Variants in TMEM132E observed in about 807,000 individuals in gnomAD.
The protein encoded by TMEM132E is transmembrane protein 132E.
TMEM132E carries 49 observed loss-of-function variants against 78.5 expected under a neutral mutation model. That is an observed-to-expected ratio of 0.62 (90% CI 0.50 to 0.79). TMEM132E has a LOEUF of 0.79. Among genes scored for constraint, TMEM132E ranks in the 30% least tolerant of loss-of-function variants. The probability of loss-of-function intolerance (pLI) is 0.00; values close to 1 mark genes in which losing one functional copy is unlikely to be tolerated. For missense variants in TMEM132E, 1,403 were observed against 1,470.9 expected, an observed-to-expected ratio of 0.95 and a Z score of 0.75; for synonymous variants, 715 against 670.6, an observed-to-expected ratio of 1.07 and a Z score of -1.02.
chr17:34,627,469 T>TGTGC (rs1555564423), intron 2 of TMEM132E, among the ~76,000 whole-genome samples: 7 of 112,092 alleles, frequency 6.2e-5, no homozygotes, highest in African/African-American at 1.8e-4. Flanking sequence ...AAAAGAATCG[T>TGTGC]GTGTGTGTGT....
Position 34,629,005 on chromosome 17 carries a change from C to G in TMEM132E, c.1146-7C>G. The G allele has an allele frequency of 6.5e-7, 1 of 1,550,344 alleles. No individual in the cohort carries two copies. Among genetic ancestry groups the G allele is most frequent in the East Asian group, 2.3e-5 (1 of 43,850 alleles). Reference sequence around the variant, plus strand: ...CTCTGCTCTCCTTCCCTCCCCTACCCTGGCAGGGAGGGCCAGGGCCCCTTG... The same window carrying G: ...CTCTGCTCTCCTTCCCTCCCCTACCGTGGCAGGGAGGGCCAGGGCCCCTTG... On this transcript the variant is annotated splice_polypyrimidine_tract_variant and splice_region_variant and intron_variant, in intron 3 of 8. Transcript: ENST00000631683.
chr17:34,629,081 C>G lies in TMEM132E; in HGVS notation c.1215C>G (p.Val405=). 1 of 1,608,440 alleles carries G rather than the reference C, an allele frequency of 6.2e-7. No homozygotes were observed. The change falls in exon 4 of 9, where the codon GTC becomes GTG. Residue 405 remains valine (V), a synonymous_variant. Coordinates refer to ENST00000631683, the MANE Select transcript of TMEM132E (RefSeq NM_001304438.2). ...TGGAGAACTTCACCAGCCAGTCAGT[C>G]AAGCGGAGGATCATGTGGCACATTG... The part of the protein sequence containing the change: ...FEMENFTSQS[V]KRRIMWHIDY...
In TMEM132E at chr17:34,626,804, C is replaced by A. The variant is rs903381315; in HGVS notation, c.745C>A (p.Arg249Ser). 8 of 1,523,230 alleles carry A rather than the reference C, an allele frequency of 5.3e-6. No individual in the cohort carries two copies. The Admixed American group carries it at 1.2e-4, about 23-fold the overall frequency. 94.4% of individuals were successfully genotyped at this position (1,523,230 alleles called of 1,614,324 possible). A position where few individuals can be genotyped will look rare whatever the true frequency, so the allele number is the denominator to read the frequency against. The change falls in exon 2 of 9, where the codon CGC (arginine) becomes AGC (serine). Residue 249 changes from arginine (R) to serine (S), a missense_variant. Physicochemically the swap from Arg to Ser is moderately radical, Grantham distance 110. This residue lies in a region of TMEM132E where 511 missense variants were observed against 499.0 expected (regional missense o/e 1.02). Coordinates refer to ENST00000631683, the MANE Select transcript of TMEM132E (RefSeq NM_001304438.2). ...TGCGTCGGGGGGCTGCGGGGGCTCC[C>A]GCCGGGGGGCCGGGCCCGGGGTGGG... ...PDASGGCGGS[R>S]RGAGPGVGAR... is the part of the protein sequence containing the mutation.
intron 1 of TMEM132E, among the ~76,000 whole-genome samples, chr17:34,587,371 G>C (rs567820793): frequency 2.6e-5 from 4 of 152,182 alleles, no homozygotes; most frequent in South Asian, 4.1e-4. Flanking sequence ...GTGGCAGTGG[G>C]GGGGAATGGT....
At chr17:34,613,029 C>T (rs1467562821) in intron 1 of TMEM132E, among the ~76,000 whole-genome samples, 1 of 152,012 alleles carries the variant, frequency 6.6e-6, no homozygotes, top group Non-Finnish European at 1.5e-5. Context: ...GCAGCTCTTA[C>T]CTTGCCCAGG....
intron 1 of TMEM132E, among the ~76,000 whole-genome samples, chr17:34,589,243 C>T (rs1446703552): frequency 6.6e-6 from 1 of 152,084 alleles, no homozygotes; most frequent in African/African-American, 2.4e-5. Flanking sequence ...GATAAGAGCC[C>T]TAGGAGGAGT....
Position 34,638,027 on chromosome 17 carries a change from C to T in TMEM132E, c.3020C>T (p.Thr1007Ile). 1 of 1,576,982 alleles carries T rather than the reference C, an allele frequency of 6.3e-7. No homozygotes were observed. Among genetic ancestry groups the T allele is most frequent in the South Asian group, 1.1e-5 (1 of 87,258 alleles). Residue 1007 changes from threonine to isoleucine, a missense_variant, in exon 9 of 9, where the codon ACC (threonine) becomes ATC (isoleucine). This residue lies in a region of TMEM132E where 888 missense variants were observed against 952.8 expected (regional missense o/e 0.93). Coordinates refer to ENST00000631683, the MANE Select transcript of TMEM132E (RefSeq NM_001304438.2). Reference sequence around the variant, plus strand: ...GCCGAGGACCCCGCCAGCTCGCCCACCTCCAAGCGCAAGCGGGTCAAGTTC... The same window carrying T: ...GCCGAGGACCCCGCCAGCTCGCCCATCTCCAAGCGCAAGCGGGTCAAGTTC... Reference protein sequence around the residue: ...DQAEDPASSPTSKRKRVKFTT... With the variant: ...DQAEDPASSPISKRKRVKFTT...
chr17:34,633,313 T>C (rs571494141), intron 6 of TMEM132E, among the ~76,000 whole-genome samples: 1 of 151,964 alleles, frequency 6.6e-6, no homozygotes, highest in Non-Finnish European at 1.5e-5. Context: ...CTGAAAGGAG[T>C]TGGCTGGGGA....
Position 34,629,015 on chromosome 17 carries a change from G to A in TMEM132E, c.1149G>A (p.Glu383=). Residue 383 remains glutamate, a synonymous_variant, in exon 4 of 9, where the codon GAG becomes GAA. Transcript: ENST00000631683. ...WAQSTPLPPR[E]GQGPLEILQL... ...CTTCCCTCCCCTACCCTGGCAGGGA[G>A]GGCCAGGGCCCCTTGGAGATCTTGC... is the stretch of plus-strand genomic sequence containing the variant. 1 of 1,554,634 alleles carries A rather than the reference G, an allele frequency of 6.4e-7. No homozygotes were observed. The highest frequency in any genetic ancestry group is 8.7e-7 in the Non-Finnish European group (1 of 1,146,776).
intron 1 of TMEM132E, among the ~76,000 whole-genome samples, chr17:34,604,427 T>C (rs2142062125): frequency 6.6e-6 from 1 of 152,298 alleles, no homozygotes; most frequent in Middle Eastern, 3.4e-3. Flanking sequence ...CCACATTTGA[T>C]AGCTTCCATC....
At chr17:34,601,020 T>C (rs1390424073) in intron 1 of TMEM132E, among the ~76,000 whole-genome samples, 4 of 152,174 alleles carry the variant, frequency 2.6e-5, no homozygotes, top group South Asian at 2.1e-4. Context: ...CAGGAGGCCA[T>C]TGGGCTGGAC....
intron 3 of TMEM132E, 57 bp downstream of exon 3, chr17:34,628,766 G>A: frequency 4.7e-6 from 7 of 1,504,022 alleles, no homozygotes; most frequent in Non-Finnish European, 6.2e-6. Flanking sequence ...TCTGAGAGGA[G>A]TGGGGAATCT....
chr17:34,626,488 G>C lies in TMEM132E; in HGVS notation c.429G>C (p.Gln143His). The C allele has an allele frequency of 1.9e-6, 3 of 1,612,280 alleles. No homozygotes were observed. The highest frequency in any genetic ancestry group is 2.5e-6 in the Non-Finnish European group (3 of 1,179,780). ...SHVPASQPVV[Q>H]VLFYVAGRDW... Reference sequence around the variant, plus strand: ...TGCCCGCCTCGCAGCCCGTGGTCCAGGTGCTGTTCTACGTAGCCGGCCGGG... The same window carrying C: ...TGCCCGCCTCGCAGCCCGTGGTCCACGTGCTGTTCTACGTAGCCGGCCGGG... The change falls in exon 2 of 9, where the codon CAG becomes CAC. Residue 143 changes from glutamine to histidine, a missense_variant. Transcript: ENST00000631683.
chr17:34,630,125 G>A lies in TMEM132E; in HGVS notation c.1456G>A (p.Glu486Lys), dbSNP rs370772171. 2.9e-5 allele frequency: 47 copies of A among 1,612,946 alleles called. No homozygotes were observed. The highest frequency in any genetic ancestry group is 2.7e-5 in the African/African-American group (2 of 74,876). ...VLDISALVECESDNEDIIKVS... is the reference protein window; with the variant it reads ...VLDISALVECKSDNEDIIKVS... The stretch of plus-strand genomic sequence containing the variant: ...GGACATCTCCGCCCTAGTGGAATGC[G>A]AGTCTGACAATGAAGACATCATCAA... Residue 486 changes from glutamate (E) to lysine (K), a missense_variant, in exon 5 of 9, where the codon GAG becomes AAG. Around this residue, in one of 3 missense-constraint regions of TMEM132E, gnomAD observed 888 missense variants for 952.8 expected, o/e 0.93. Transcript: ENST00000631683.
chr17:34,634,670 T>C, intron 6 of TMEM132E, 129 bp from the exon 7 acceptor site: 3 of 1,117,956 alleles, frequency 2.7e-6, no homozygotes, highest in East Asian at 2.6e-5. Flanking sequence ...GCATGAGCCA[T>C]AGAGGAAGCT....
Position 34,637,312 on chromosome 17 carries a change from T to C in TMEM132E, c.2305T>C (p.Phe769Leu). The C allele has an allele frequency of 6.2e-7, 1 of 1,614,104 alleles. No homozygotes were observed. Among genetic ancestry groups the C allele is most frequent in the Non-Finnish European group, 8.5e-7 (1 of 1,180,042 alleles). The part of the protein sequence containing the change: ...HVATVTQDRA[F>L]PLVVAEAEGS... Reference sequence around the variant, plus strand: ...GGCCACTGTGACCCAGGACCGGGCCTTCCCTCTGGTAGTGGCTGAGGCCGA... The same window carrying C: ...GGCCACTGTGACCCAGGACCGGGCCCTCCCTCTGGTAGTGGCTGAGGCCGA... Residue 769 changes from phenylalanine to leucine, a missense_variant, in exon 9 of 9, where the codon TTC becomes CTC. This residue lies in a region of TMEM132E where 888 missense variants were observed against 952.8 expected (regional missense o/e 0.93). Coordinates refer to ENST00000631683, the MANE Select transcript of TMEM132E (RefSeq NM_001304438.2).
At chr17:34,586,514 G>A (rs1019252556) in intron 1 of TMEM132E, among the ~76,000 whole-genome samples, 1 of 151,918 alleles carries the variant, frequency 6.6e-6, no homozygotes, top group East Asian at 1.9e-4. Flanking sequence ...GGGGGACTGA[G>A]ACAAGTGAGC....
At chr17:34,589,754 T>G (rs1905799775) in intron 1 of TMEM132E, among the ~76,000 whole-genome samples, 1 of 152,130 alleles carries the variant, frequency 6.6e-6, no homozygotes, top group South Asian at 2.1e-4. Context: ...ACCGGAGCCC[T>G]GCCACCGCAT....
At chr17:34,601,932 G>A (rs1906253875) in intron 1 of TMEM132E, among the ~76,000 whole-genome samples, 1 of 152,166 alleles carries the variant, frequency 6.6e-6, no homozygotes, top group African/African-American at 2.4e-5. Context: ...CTCTAGAGAG[G>A]GTGCTACTCC....
Sources: gnomAD v4.1 joint callset for allele counts (sites outside exome capture counted in the v4.1 genomes callset) on GRCh38, gnomAD v4.1.1 for gene constraint, gnomAD v4.1.1 regional missense constraint, MANE v1.5 for transcripts, NCBI Gene and HGNC (gene_info 2026-07-23, HGNC 2026-07-21) for gene names.